Variants in AGTPBP1 observed in about 807,000 individuals in gnomAD.
AGTPBP1 encodes the protein ATP/GTP binding carboxypeptidase 1.
A neutral mutation model predicts 143.9 loss-of-function variants in AGTPBP1; 70 were observed. The ratio of observed to expected loss-of-function variants is 0.49; its 90% CI spans 0.40 to 0.59. The LOEUF (loss-of-function observed/expected upper bound fraction) is 0.59, where lower values mean the gene tolerates loss of function less well. Ranked by LOEUF, AGTPBP1 falls within the 20% of genes least tolerant of loss-of-function variation. The pLI, the probability that AGTPBP1 is intolerant of heterozygous loss-of-function variation, is 0.00. For synonymous variants in AGTPBP1, 463 were observed against 500.2 expected (o/e 0.93, Z 0.99); for missense variants, 1,229 against 1,464.5 (o/e 0.84, Z 2.62).
At chr9:85,740,444 G>A (rs1176469385) in intron 1 of AGTPBP1, among the ~76,000 whole-genome samples, 1 of 152,144 alleles carries the variant, frequency 6.6e-6, no homozygotes, top group Non-Finnish European at 1.5e-5. Context: ...TTATTATTTC[G>A]CAGTAATTCT....
At chr9:85,743,922 C>CTT (rs1564207922), upstream of AGTPBP1, among the ~76,000 whole-genome samples, 5 of 113,000 alleles carry the variant, frequency 4.4e-5, no homozygotes, top group South Asian at 2.8e-4. Flanking sequence ...TTTTCTTTTT[C>CTT]TTTCTTTTTT....
intron 13 of AGTPBP1, among the ~76,000 whole-genome samples, chr9:85,636,802 T>C (rs1832086843): frequency 6.6e-6 from 1 of 152,096 alleles, no homozygotes; most frequent in Non-Finnish European, 1.5e-5. Flanking sequence ...CCAAATCTTA[T>C]GAGAAAACAA....
chr9:85,680,874 A>G (rs56291325), intron 4 of AGTPBP1, among the ~76,000 whole-genome samples: 1,564 of 152,352 alleles, frequency 0.01, 16 homozygotes, highest in Middle Eastern at 0.054. Context: ...TCACAAATGT[A>G]TATCAGCTAA....
chr9:85,768,712 T>G, the AGTPBP1 span, among the ~76,000 whole-genome samples: 1 of 152,034 alleles, frequency 6.6e-6, no homozygotes, highest in Non-Finnish European at 1.5e-5. Flanking sequence ...CACAGAGAAA[T>G]AGAATGGCTG....
At chr9:85,764,710 C>G in the AGTPBP1 span, 1 of 1,182,958 alleles carries the variant, frequency 8.5e-7, no homozygotes, top group Non-Finnish European at 1.3e-6. Context: ...TCTTTTAGGC[C>G]TTAAACACAG....
the AGTPBP1 span, among the ~76,000 whole-genome samples, chr9:85,803,000 A>G: frequency 6.6e-6 from 1 of 152,202 alleles, no homozygotes; most frequent in South Asian, 2.1e-4. Flanking sequence ...AGAAGGGGAG[A>G]CTAAATTATG....
chr9:85,632,566 T>A, intron 14 of AGTPBP1, 96 bp downstream of exon 14: 1 of 1,073,828 alleles, frequency 9.3e-7, no homozygotes, highest in African/African-American at 1.6e-5. Flanking sequence ...TAACTCACAG[T>A]AATTATCTTC....
chr9:85,717,140 T>C (rs1049529164), intron 1 of AGTPBP1, among the ~76,000 whole-genome samples: 1 of 152,204 alleles, frequency 6.6e-6, no homozygotes, highest in African/African-American at 2.4e-5. Flanking sequence ...AGCATACCCA[T>C]TGCCCTTGCC....
intron 2 of AGTPBP1, among the ~76,000 whole-genome samples, chr9:85,700,046 T>A (rs184143340): frequency 3.7e-4 from 56 of 152,356 alleles, no homozygotes; most frequent in East Asian, 3.1e-3. Flanking sequence ...TACTTCTGTA[T>A]TCAACCTGTT....
At chr9:85,583,900 T>A (rs1233471855) in intron 23 of AGTPBP1, among the ~76,000 whole-genome samples, 1 of 152,054 alleles carries the variant, frequency 6.6e-6, no homozygotes, top group East Asian at 1.9e-4. Flanking sequence ...CTCACAATTA[T>A]AATTCTTAAG....
At chr9:85,565,278 C>T (rs1281334135) in intron 25 of AGTPBP1, among the ~76,000 whole-genome samples, 1 of 152,012 alleles carries the variant, frequency 6.6e-6, no homozygotes, top group Non-Finnish European at 1.5e-5. Flanking sequence ...TAATTTATAA[C>T]AGATACTGTA....
chr9:85,644,216 ATTGTATACTTATTATTACATT>A (rs1832673144), intron 12 of AGTPBP1, among the ~76,000 whole-genome samples: 1 of 151,916 alleles, frequency 6.6e-6, no homozygotes, highest in South Asian at 2.1e-4. Context: ...CTGTATCATT[ATTGTATACTTATTATTACATT>A]AATATGTAAT....
intron 17 of AGTPBP1, among the ~76,000 whole-genome samples, chr9:85,618,469 C>T (rs1408328275): frequency 6.6e-6 from 1 of 151,890 alleles, no homozygotes; most frequent in Non-Finnish European, 1.5e-5. Flanking sequence ...CAACTATAGA[C>T]CAATATCCCT....
At position 85,657,554 on chromosome 9, in the gene AGTPBP1, T is replaced by C. The variant is rs1833602066; in HGVS notation, c.790A>G (p.Arg264Gly). 1 of 1,614,048 alleles carries C rather than the reference T, an allele frequency of 6.2e-7. No homozygotes were observed. Among genetic ancestry groups the C allele is most frequent in the Non-Finnish European group, 8.5e-7 (1 of 1,179,930 alleles). Residue 264 changes from arginine to glycine, a missense_variant, in exon 10 of 26, where the codon AGA becomes GGA. Transcript: ENST00000357081. ...VDWHRHDNRH[R>G]NMLIRKGILQ... ...ATTCCTTTCCGAATGAGCATGTTTC[T>C]ATGCCGGTTATCATGGCGGTGCCAA...
At chr9:85,710,692 AC>A (rs1837307231) in intron 2 of AGTPBP1, among the ~76,000 whole-genome samples, 1 of 151,948 alleles carries the variant, frequency 6.6e-6, no homozygotes, top group African/African-American at 2.4e-5. Flanking sequence ...AACAACAACA[AC>A]AACAACAAAA....
intron 9 of AGTPBP1, among the ~76,000 whole-genome samples, chr9:85,660,566 C>T (rs12338084): frequency 0.3 from 45,454 of 151,912 alleles, 7,755 homozygotes; most frequent in East Asian, 0.52. Flanking sequence ...AAATCAGAGA[C>T]AGTAGTTGTT....
intron 13 of AGTPBP1, among the ~76,000 whole-genome samples, chr9:85,637,720 G>A (rs938920787): frequency 2.6e-5 from 4 of 152,144 alleles, no homozygotes; most frequent in Non-Finnish European, 4.4e-5. Flanking sequence ...TGTCTCAATG[G>A]GTGGTAGTCA....
At chr9:85,752,407 C>A in the AGTPBP1 span, among the ~76,000 whole-genome samples, 1 of 152,104 alleles carries the variant, frequency 6.6e-6, no homozygotes, top group Admixed American at 6.5e-5. Context: ...ATACTCACAG[C>A]AGATGGATGT....
At chr9:85,798,782 G>A in the AGTPBP1 span, among the ~76,000 whole-genome samples, 2 of 152,038 alleles carry the variant, frequency 1.3e-5, no homozygotes, top group Admixed American at 1.3e-4. Flanking sequence ...GTGATATCTG[G>A]GCATCGTGGC....
Sources: gnomAD v4.1 joint callset for allele counts (sites outside exome capture counted in the v4.1 genomes callset) on GRCh38, gnomAD v4.1.1 for gene constraint, MANE v1.5 for transcripts, NCBI Gene and HGNC (gene_info 2026-07-23, HGNC 2026-07-21) for gene names.